The following SLC8A1 variants were observed in gnomAD, a reference collection of about 807,000 sequenced individuals.
The protein encoded by SLC8A1 is solute carrier family 8 member A1.
A neutral mutation model predicts 68.3 loss-of-function variants in SLC8A1; 18 were observed. That is an observed-to-expected ratio of 0.26 (90% confidence interval 0.18 to 0.39). The LOEUF is 0.39. SLC8A1 is among the 10% of genes least tolerant of loss of function. The pLI is 1.00. For missense variants in SLC8A1, 985 were observed against 1,156.7 expected (o/e 0.85, Z 2.15); for synonymous variants, 475 against 415.5 (o/e 1.14, Z -1.74).
At chr2:40,357,309 T>C (rs936155342) in intron 2 of SLC8A1, among the ~76,000 whole-genome samples, 2 of 151,594 alleles carry the variant, frequency 1.3e-5, no homozygotes, top group African/African-American at 2.4e-5. Context: ...CTGGGCAACA[T>C]AGTGAGACCC....
intron 1 of SLC8A1, among the ~76,000 whole-genome samples, chr2:40,435,544 T>C (rs562747007): frequency 6.6e-6 from 1 of 152,160 alleles, no homozygotes; most frequent in South Asian, 2.1e-4. Context: ...GGTCACATCA[T>C]AGGCTCAAGC....
At chr2:40,128,492 C>T (rs2038627401) in intron 7 of SLC8A1, among the ~76,000 whole-genome samples, 1 of 152,106 alleles carries the variant, frequency 6.6e-6, no homozygotes, top group Admixed American at 6.5e-5. Context: ...CGTGCTGGGG[C>T]CATGAATGAG....
At chr2:40,488,305 G>A (rs1438443043) in intron 1 of SLC8A1, among the ~76,000 whole-genome samples, 1 of 151,858 alleles carries the variant, frequency 6.6e-6, no homozygotes, top group Non-Finnish European at 1.5e-5. Flanking sequence ...GCTCACCAAG[G>A]AAGCTAGTGA....
At chr2:40,317,798 G>C (rs995964307) in intron 2 of SLC8A1, among the ~76,000 whole-genome samples, 4 of 151,968 alleles carry the variant, frequency 2.6e-5, no homozygotes, top group Admixed American at 6.6e-5. Flanking sequence ...AATGTTTAAA[G>C]AAAACAGTAA....
At chr2:40,428,331 T>A in intron 2 of SLC8A1, 142 bp downstream of exon 2, 1 of 1,364,958 alleles carries the variant, frequency 7.3e-7, no homozygotes, top group Non-Finnish European at 9.4e-7. Flanking sequence ...ACTGATATCT[T>A]GAAAGGGATC....
intron 2 of SLC8A1, among the ~76,000 whole-genome samples, chr2:40,305,696 C>G (rs1302825128): frequency 2.0e-5 from 3 of 152,126 alleles, no homozygotes; most frequent in African/African-American, 7.2e-5. Flanking sequence ...GTTTTACATT[C>G]CAAAGATTAG....
chr2:40,412,382 C>G (rs903710361), intron 2 of SLC8A1, among the ~76,000 whole-genome samples: 9 of 152,066 alleles, frequency 5.9e-5, no homozygotes, highest in Non-Finnish European at 1.3e-4. Context: ...GATATTACAT[C>G]TATTTTGTAA....
chr2:40,429,359 G>C (rs779107494), exon 2 of SLC8A1: 1 of 1,613,778 alleles, frequency 6.2e-7, no homozygotes, highest in Non-Finnish European at 8.5e-7. Context: ...TCCAGAACCA[G>C]AGCACCATCT....
chr2:40,271,042 A>G (rs953320826), intron 2 of SLC8A1, among the ~76,000 whole-genome samples: 2 of 152,146 alleles, frequency 1.3e-5, no homozygotes, highest in Admixed American at 1.3e-4. Flanking sequence ...CTCATGTACT[A>G]AACTGCTTCT....
At chr2:40,280,127 T>G (rs952100810) in intron 2 of SLC8A1, among the ~76,000 whole-genome samples, 1 of 151,978 alleles carries the variant, frequency 6.6e-6, no homozygotes. Flanking sequence ...TTTTAAAGAT[T>G]ATCTCTGGAT....
chr2:40,217,274 G>C (rs112652846), intron 2 of SLC8A1, among the ~76,000 whole-genome samples: 3,175 of 152,172 alleles, frequency 0.021, 110 homozygotes, highest in African/African-American at 0.071. Flanking sequence ...GTTTCTGTCA[G>C]GTTTGTCAAA....
At chr2:40,420,857 T>C (rs1390016141) in intron 2 of SLC8A1, among the ~76,000 whole-genome samples, 2 of 152,150 alleles carry the variant, frequency 1.3e-5, no homozygotes, top group African/African-American at 4.8e-5. Context: ...CTATGGGAAT[T>C]ACAGTCAAGC....
chr2:40,214,121 C>A (rs2057073834), intron 2 of SLC8A1, among the ~76,000 whole-genome samples: 1 of 152,184 alleles, frequency 6.6e-6, no homozygotes, highest in Non-Finnish European at 1.5e-5. Context: ...ATTTGTTTCT[C>A]CCCATACATT....
At chr2:40,117,355 G>A (rs1007660737) in intron 7 of SLC8A1, among the ~76,000 whole-genome samples, 5 of 132,332 alleles carry the variant, frequency 3.8e-5, no homozygotes, top group African/African-American at 1.4e-4. Flanking sequence ...GACCAGTTTG[G>A]CCAACATGGT....
chr2:40,470,534 T>C (rs1703938767), intron 1 of SLC8A1, among the ~76,000 whole-genome samples: 1 of 151,986 alleles, frequency 6.6e-6, no homozygotes, highest in Non-Finnish European at 1.5e-5. Context: ...GAATGAAGTA[T>C]TGATTAATAT....
intron 2 of SLC8A1, among the ~76,000 whole-genome samples, chr2:40,211,913 A>G (rs752173984): frequency 6.6e-6 from 1 of 152,242 alleles, no homozygotes; most frequent in Non-Finnish European, 1.5e-5. Context: ...ATAAAAGATG[A>G]TGCATGAATA....
chr2:40,140,986 T>C lies in SLC8A1; in HGVS notation c.2162-1310A>G, dbSNP rs1031154314. 1.1e-4 allele frequency among the ~76,000 whole-genome samples: 16 copies of C among 152,242 alleles called. 1 individual carries two copies. The East Asian group carries it at 3.1e-3, about 29-fold the overall frequency. ...TGAAAATAATGCCCATTGACATGTT[T>C]TAAAATGAGGATATTGAATGTCAAC... On this transcript the variant is annotated intron_variant, in intron 6 of 7. Transcript: ENST00000406785.
At chr2:40,178,518 G>T in intron 2 of SLC8A1, 25 bp from the exon 3 acceptor site, 1 of 1,564,700 alleles carries the variant, frequency 6.4e-7, no homozygotes, top group South Asian at 1.1e-5. Context: ...AGAAATTGAC[G>T]AACAAGGGGA....
At chr2:40,394,272 G>A (rs1686211028) in intron 2 of SLC8A1, among the ~76,000 whole-genome samples, 1 of 152,074 alleles carries the variant, frequency 6.6e-6, no homozygotes, top group African/African-American at 2.4e-5. Context: ...TTTGTGGGGT[G>A]GGGGGTGAAT....
Sources: allele counts gnomAD v4.1 joint callset (sites outside exome capture counted in the v4.1 genomes callset), GRCh38; gene constraint gnomAD v4.1.1; transcripts MANE v1.5; gene names NCBI Gene and HGNC (gene_info 2026-07-23, HGNC 2026-07-21).